Variants in SPATA16 observed in about 807,000 individuals in gnomAD.
SPATA16 encodes the protein spermatogenesis-associated protein 16.
Under a neutral mutation model 63.3 loss-of-function variants are expected in SPATA16, and 36 were observed. The ratio of observed to expected loss-of-function variants is 0.57; its 90% CI spans 0.44 to 0.75. The LOEUF is 0.75. Ranked by LOEUF, SPATA16 falls within the 30% of genes least tolerant of loss-of-function variation. The pLI, the probability that SPATA16 is intolerant of heterozygous loss-of-function variation, is 0.00. For synonymous variants in SPATA16, 203 were observed against 216.7 expected (o/e 0.94, Z 0.56); for missense variants, 646 against 679.3 (o/e 0.95, Z 0.54).
At chr3:172,986,056 A>T (rs1171674187) in intron 4 of SPATA16, among the ~76,000 whole-genome samples, 1 of 151,850 alleles carries the variant, frequency 6.6e-6, no homozygotes, top group African/African-American at 2.4e-5. Context: ...GGACAGTGAT[A>T]CTCTCTGGCT....
At chr3:172,894,788 T>C (rs1731975072) in intron 10 of SPATA16, among the ~76,000 whole-genome samples, 1 of 152,148 alleles carries the variant, frequency 6.6e-6, no homozygotes, top group Non-Finnish European at 1.5e-5. Context: ...CAAGGGAACT[T>C]GTTTGCTCTG....
At chr3:173,139,716 T>C (rs1396009705) in intron 1 of SPATA16, among the ~76,000 whole-genome samples, 2 of 152,228 alleles carry the variant, frequency 1.3e-5, no homozygotes, top group Non-Finnish European at 2.9e-5. Context: ...CCGGGCGTAG[T>C]GGCTCATGCC....
At chr3:173,077,318 A>T (rs1736831059) in intron 2 of SPATA16, among the ~76,000 whole-genome samples, 1 of 152,188 alleles carries the variant, frequency 6.6e-6, no homozygotes. Flanking sequence ...AGGCAGCGGG[A>T]ATCTAGAAAA....
intron 4 of SPATA16, among the ~76,000 whole-genome samples, chr3:172,983,348 A>G (rs1261313478): frequency 6.9e-6 from 1 of 144,134 alleles, no homozygotes; most frequent in African/African-American, 2.7e-5. Flanking sequence ...TTTTGCCATG[A>G]GTCAGTTTTG....
chr3:172,966,118 A>G lies in SPATA16; in HGVS notation c.934-9294T>C, dbSNP rs1733914376. Among the ~76,000 whole-genome samples, 5 of 152,222 alleles carry G rather than the reference A, an allele frequency of 3.3e-5. No homozygotes were observed. In the South Asian group the frequency reaches 6.2e-4, roughly 19 times the overall value. On this transcript the variant is annotated intron_variant, in intron 5 of 10. Coordinates refer to ENST00000351008, the MANE Select transcript of SPATA16 (RefSeq NM_031955.6). ...ATACATGTATAATATATAGATCCAC[A>G]TACATTATATACCTATATATGTTTC...
intron 1 of SPATA16, among the ~76,000 whole-genome samples, chr3:173,132,000 C>A (rs1389047583): frequency 6.6e-6 from 1 of 151,806 alleles, no homozygotes; most frequent in African/African-American, 2.4e-5. Context: ...ACACTAGAAA[C>A]CTACCTGTGG....
intron 10 of SPATA16, among the ~76,000 whole-genome samples, chr3:172,890,397 T>C (rs1731869578): frequency 6.6e-6 from 1 of 152,196 alleles, no homozygotes; most frequent in African/African-American, 2.4e-5. Context: ...ATATGCTGAA[T>C]TGATTTCTCA....
At chr3:173,113,680 A>C (rs2108333675) in intron 2 of SPATA16, among the ~76,000 whole-genome samples, 1 of 152,344 alleles carries the variant, frequency 6.6e-6, no homozygotes, top group African/African-American at 2.4e-5. Flanking sequence ...AAGAACACAA[A>C]GGAAACTAAC....
At chr3:173,107,455 A>AT (rs35351688) in intron 2 of SPATA16, among the ~76,000 whole-genome samples, 31,870 of 143,272 alleles carry the variant, frequency 0.22, 4,261 homozygotes, top group African/African-American at 0.39. Context: ...CTCTCTCTCT[A>AT]TTTTTTTTTT....
At chr3:173,088,063 T>TTTCTTTC (rs1560118916) in intron 2 of SPATA16, among the ~76,000 whole-genome samples, 1 of 137,682 alleles carries the variant, frequency 7.3e-6, no homozygotes, top group Non-Finnish European at 1.6e-5. Context: ...TCTTTCTTTC[T>TTTCTTTC]TTCTTTCTTT....
intron 3 of SPATA16, among the ~76,000 whole-genome samples, chr3:173,031,410 G>T (rs182174384): frequency 6.7e-6 from 1 of 150,352 alleles, no homozygotes; most frequent in Non-Finnish European, 1.5e-5. Context: ...TGAAAAGAGG[G>T]TCGCATAGCC....
chr3:172,941,232 A>G (rs1438886282), intron 6 of SPATA16, among the ~76,000 whole-genome samples: 2 of 152,202 alleles, frequency 1.3e-5, no homozygotes, highest in African/African-American at 4.8e-5. Flanking sequence ...AATAAAAGTA[A>G]CAAATGTCCA....
At chr3:173,016,595 A>G (rs912888097) in intron 4 of SPATA16, among the ~76,000 whole-genome samples, 14 of 152,222 alleles carry the variant, frequency 9.2e-5, no homozygotes, top group Admixed American at 2.0e-4. Context: ...TCCAAGAAAC[A>G]TGACTGCGTA....
intron 5 of SPATA16, among the ~76,000 whole-genome samples, chr3:172,964,900 T>C (rs1733878143): frequency 6.6e-6 from 1 of 152,184 alleles, no homozygotes; most frequent in Non-Finnish European, 1.5e-5. Context: ...GAAGTGTATG[T>C]TGGAGAACAA....
chr3:172,952,680 G>C (rs991474623), intron 6 of SPATA16, among the ~76,000 whole-genome samples: 1 of 152,090 alleles, frequency 6.6e-6, no homozygotes, highest in Non-Finnish European at 1.5e-5. Context: ...AGTGGCTCAC[G>C]CCTGTAATCC....
chr3:173,058,470 T>C (rs1447873398), intron 2 of SPATA16, among the ~76,000 whole-genome samples: 2 of 152,166 alleles, frequency 1.3e-5, no homozygotes, highest in East Asian at 3.8e-4. Context: ...AAAATACTAA[T>C]ACTTTAGAAT....
At chr3:172,907,266 A>G (rs1418555642) in intron 10 of SPATA16, among the ~76,000 whole-genome samples, 1 of 152,132 alleles carries the variant, frequency 6.6e-6, no homozygotes, top group Non-Finnish European at 1.5e-5. Context: ...GTGTTTTCTT[A>G]TACTAGTCTC....
chr3:173,052,080 G>C (rs556337894), intron 2 of SPATA16, among the ~76,000 whole-genome samples: 2 of 152,242 alleles, frequency 1.3e-5, no homozygotes, highest in South Asian at 2.1e-4. Context: ...CAAAGCGCTG[G>C]GATTACAGGC....
At chr3:172,923,776 T>A (rs375760561) in intron 8 of SPATA16, among the ~76,000 whole-genome samples, 4 of 152,322 alleles carry the variant, frequency 2.6e-5, no homozygotes, top group African/African-American at 9.6e-5. Flanking sequence ...AAGCATCCAA[T>A]TCATCAGTGT....
Sources: allele counts gnomAD v4.1 joint callset (sites outside exome capture counted in the v4.1 genomes callset), GRCh38; gene constraint gnomAD v4.1.1; transcripts MANE v1.5; gene names NCBI Gene and HGNC (gene_info 2026-07-23, HGNC 2026-07-21).